Variants in ZBTB44 observed in about 807,000 individuals in gnomAD.
The protein encoded by ZBTB44 is zinc finger and BTB domain-containing protein 44.
A neutral mutation model predicts 54.0 loss-of-function variants in ZBTB44; 15 were observed. The ratio of observed to expected loss-of-function variants is 0.28; its 90% CI spans 0.19 to 0.43. The LOEUF is 0.43. Ranked by LOEUF, ZBTB44 falls within the 20% of genes least tolerant of loss-of-function variation. The probability of loss-of-function intolerance (pLI) is 1.00; values close to 1 mark genes in which losing one functional copy is unlikely to be tolerated. For synonymous variants in ZBTB44, 230 were observed against 250.1 expected (o/e 0.92, Z 0.76); for missense variants, 487 against 707.1 (o/e 0.69, Z 3.53).
In ZBTB44 at chr11:130,299,356, C is replaced by T. The variant is rs150971085; in HGVS notation, c.-57+15019G>A. Among the ~76,000 whole-genome samples the T allele has an allele frequency of 1.6e-3, 238 of 152,066 alleles. 5 individuals are homozygous for T. The South Asian group carries it at 0.034, about 22-fold the overall frequency. On this transcript the variant is annotated intron_variant, in intron 1 of 7. Transcript: ENST00000357899. ...TCTAAATAATAACCCATGGGCTGGTCAAATAAGGAATCAACAAAGGAAACT... is the reference window on the plus strand; with the variant it reads ...TCTAAATAATAACCCATGGGCTGGTTAAATAAGGAATCAACAAAGGAAACT...
chr11:130,311,940 GAA>G (rs1942633229), intron 1 of ZBTB44, among the ~76,000 whole-genome samples: 1 of 152,060 alleles, frequency 6.6e-6, no homozygotes, highest in Admixed American at 6.5e-5. Flanking sequence ...TCATTAAAAA[GAA>G]AGACGACTGT....
chr11:130,301,071 A>G (rs570119677), intron 1 of ZBTB44, among the ~76,000 whole-genome samples: 2 of 152,288 alleles, frequency 1.3e-5, no homozygotes, highest in South Asian at 2.1e-4. Flanking sequence ...AAGGTTAAAG[A>G]TACAGGAAAC....
chr11:130,294,681 G>A (rs891284610), intron 1 of ZBTB44, among the ~76,000 whole-genome samples: 1 of 151,538 alleles, frequency 6.6e-6, no homozygotes, highest in Non-Finnish European at 1.5e-5. Context: ...AGACCTTAGC[G>A]ATGACCTTGA....
chr11:130,284,048 G>A (rs1940748227), intron 1 of ZBTB44, among the ~76,000 whole-genome samples: 1 of 149,540 alleles, frequency 6.7e-6, no homozygotes, highest in Non-Finnish European at 1.5e-5. Flanking sequence ...AGCACATATG[G>A]GAGGCTGAGG....
At chr11:130,299,936 A>G (rs1402196495) in intron 1 of ZBTB44, among the ~76,000 whole-genome samples, 2 of 152,246 alleles carry the variant, frequency 1.3e-5, no homozygotes, top group South Asian at 4.1e-4. Flanking sequence ...GAATGAATTA[A>G]TGAGATGTGG....
chr11:130,227,102 G>A lies in ZBTB44; in HGVS notation c.*4662C>T, dbSNP rs1023779882. ...AAACGGCACTTAGTTTACAAAAAAGGTCACAAAAATATATATATATATGTA... is the reference window on the plus strand; with the variant it reads ...AAACGGCACTTAGTTTACAAAAAAGATCACAAAAATATATATATATATGTA... On this transcript the variant is annotated 3_prime_UTR_variant, in exon 8 of 8. Coordinates refer to ENST00000357899, the MANE Select transcript of ZBTB44 (RefSeq NM_001301098.2). 6.6e-6 allele frequency: 1 copy of A among 151,832 alleles called. No individual in the cohort carries two copies. The highest frequency in any genetic ancestry group is 1.5e-5 in the Non-Finnish European group (1 of 68,006). 9.4% of individuals were successfully genotyped at this position (151,832 alleles called of 1,614,324 possible).
chr11:130,314,285 C>G (rs971228798), intron 1 of ZBTB44, 90 bp downstream of exon 1: 5 of 152,468 alleles, frequency 3.3e-5, no homozygotes, highest in Non-Finnish European at 7.3e-5. Flanking sequence ...CTCCCTTCGG[C>G]GCCAGGTGGG....
intron 1 of ZBTB44, among the ~76,000 whole-genome samples, chr11:130,299,163 T>C (rs1941851455): frequency 2.6e-5 from 4 of 151,924 alleles, no homozygotes. Flanking sequence ...TCTTTTCAAG[T>C]GCAAAGTGGT....
At chr11:130,312,396 T>C (rs983016543) in intron 1 of ZBTB44, among the ~76,000 whole-genome samples, 2 of 152,224 alleles carry the variant, frequency 1.3e-5, no homozygotes, top group African/African-American at 4.8e-5. Context: ...ATTGTGTGCC[T>C]CCTATATTAT....
chr11:130,244,212 G>A (rs1259298413), intron 2 of ZBTB44, among the ~76,000 whole-genome samples: 1 of 152,112 alleles, frequency 6.6e-6, no homozygotes, highest in Non-Finnish European at 1.5e-5. Context: ...TTTGTTGTTT[G>A]TGGTGGGACA....
At chr11:130,234,377 A>G in intron 5 of ZBTB44, 104 bp from the exon 6 acceptor site, 1 of 1,172,748 alleles carries the variant, frequency 8.5e-7, no homozygotes, top group Non-Finnish European at 1.2e-6. Flanking sequence ...GGGACTCTTC[A>G]TTTCACTAAT....
intron 1 of ZBTB44, among the ~76,000 whole-genome samples, chr11:130,269,235 G>A (rs1175469779): frequency 6.6e-6 from 1 of 151,270 alleles, no homozygotes; most frequent in East Asian, 2.0e-4. Flanking sequence ...ATTGCAGTGA[G>A]CCGAGATCAC....
rs1461074917 is a variant in ZBTB44 at position 130,236,914 on chromosome 11, T to G, written c.1447A>C (p.Lys483Gln). 6.3e-7 allele frequency: 1 copy of G among 1,598,434 alleles called. No homozygotes were observed. The highest frequency in any genetic ancestry group is 8.5e-7 in the Non-Finnish European group (1 of 1,173,680). The part of the protein sequence containing the change: ...HMRVSRHIIR[K>Q]PRIYECKTCG... ...GTTTTGCACTCGTAAATCCGAGGCTTGCGGATAATGTGCCGGGAAACCCTC... is the reference window on the plus strand; with the variant it reads ...GTTTTGCACTCGTAAATCCGAGGCTGGCGGATAATGTGCCGGGAAACCCTC... The change falls in exon 5 of 8, where the codon AAG becomes CAG. Residue 483 changes from lysine (K) to glutamine (Q), a missense_variant. Around this residue, in one of 3 missense-constraint regions of ZBTB44, gnomAD observed 120 missense variants for 240.3 expected, o/e 0.50. Coordinates refer to ENST00000357899, the MANE Select transcript of ZBTB44 (RefSeq NM_001301098.2).
chr11:130,284,703 C>T (rs534637017), intron 1 of ZBTB44, among the ~76,000 whole-genome samples: 1 of 152,230 alleles, frequency 6.6e-6, no homozygotes, highest in Non-Finnish European at 1.5e-5. Context: ...ACCGTCTCTA[C>T]TAAAAATACA....
chr11:130,240,182 C>T (rs1015013402), intron 2 of ZBTB44, among the ~76,000 whole-genome samples: 1 of 151,832 alleles, frequency 6.6e-6, no homozygotes, highest in Non-Finnish European at 1.5e-5. Context: ...GCTGGGACTA[C>T]GGGCGCCCGA....
chr11:130,253,247 G>A (rs903371107), intron 2 of ZBTB44, among the ~76,000 whole-genome samples: 4 of 152,132 alleles, frequency 2.6e-5, no homozygotes, highest in African/African-American at 9.7e-5. Context: ...GAAATAAAGG[G>A]TATTCAATTA....
chr11:130,271,956 TG>T (rs1233720680), intron 1 of ZBTB44, among the ~76,000 whole-genome samples: 7 of 152,104 alleles, frequency 4.6e-5, no homozygotes, highest in Non-Finnish European at 1.0e-4. Context: ...GGAGGCTGGA[TG>T]CGGTGGTTCA....
rs571066645 is a variant in ZBTB44 at position 130,296,609 on chromosome 11, G to A, written c.-57+17766C>T. ...AGGTAGAACAGCCAGAGGCCTAAAT[G>A]GGAGAAGACATGCCTTGCCCATTTT... On this transcript the variant is annotated intron_variant, in intron 1 of 7. Coordinates refer to ENST00000357899, the MANE Select transcript of ZBTB44 (RefSeq NM_001301098.2). The A allele has an allele frequency of 1.7e-5, 15 of 885,712 alleles. No homozygotes were observed. The East Asian group carries it at 3.7e-4, about 22-fold the overall frequency. The allele number at this position is 885,712 out of a possible 1,614,324, so 54.9% of individuals were successfully genotyped here. A position where few individuals can be genotyped will look rare whatever the true frequency, so the allele number is the denominator to read the frequency against.
chr11:130,311,218 T>G (rs1199430372), intron 1 of ZBTB44, among the ~76,000 whole-genome samples: 2 of 152,082 alleles, frequency 1.3e-5, no homozygotes, highest in Non-Finnish European at 2.9e-5. Context: ...GTTTATTATT[T>G]TTTTTGGAGA....
Sources: gnomAD v4.1 joint callset for allele counts (sites outside exome capture counted in the v4.1 genomes callset) on GRCh38, gnomAD v4.1.1 for gene constraint, gnomAD v4.1.1 regional missense constraint, MANE v1.5 for transcripts, NCBI Gene and HGNC (gene_info 2026-07-23, HGNC 2026-07-21) for gene names.